The following SGCZ variants were observed in gnomAD, a reference collection of about 807,000 sequenced individuals.
The protein encoded by SGCZ is zeta-sarcoglycan.
A neutral mutation model predicts 41.3 loss-of-function variants in SGCZ; 40 were observed. That is an observed-to-expected ratio of 0.97 (90% CI 0.75 to 1.26). SGCZ has a LOEUF of 1.26. Ranked by LOEUF, SGCZ falls within the 50% of genes most tolerant of loss-of-function variation. The pLI is 0.00. For missense variants in SGCZ, 552 were observed against 369.8 expected, an observed-to-expected ratio of 1.49 and a Z score of -4.04; for synonymous variants, 206 against 137.5, an observed-to-expected ratio of 1.50 and a Z score of -3.49.
At chr8:15,214,463 T>C (rs1201655178) in intron 1 of SGCZ, among the ~76,000 whole-genome samples, 3 of 152,164 alleles carry the variant, frequency 2.0e-5, no homozygotes, top group Non-Finnish European at 4.4e-5. Flanking sequence ...TTTTAACTCA[T>C]CCAACTTTAA....
intron 1 of SGCZ, among the ~76,000 whole-genome samples, chr8:14,717,555 A>C (rs1809731890): frequency 6.6e-6 from 1 of 152,132 alleles, no homozygotes; most frequent in African/African-American, 2.4e-5. Context: ...AGTGATGAGA[A>C]AGTCGTCTTG....
At chr8:14,596,144 A>G (rs1805406573) in intron 1 of SGCZ, among the ~76,000 whole-genome samples, 1 of 152,226 alleles carries the variant, frequency 6.6e-6, no homozygotes, top group Non-Finnish European at 1.5e-5. Context: ...GAGTGAGAAT[A>G]TACTCTGCAG....
intron 3 of SGCZ, among the ~76,000 whole-genome samples, chr8:14,270,328 T>C (rs532271582): frequency 6.6e-6 from 1 of 151,520 alleles, no homozygotes; most frequent in Non-Finnish European, 1.5e-5. Flanking sequence ...TAAAACTCCG[T>C]CTCAAAAAAA....
chr8:15,045,016 GC>G (rs1804249163), intron 1 of SGCZ, among the ~76,000 whole-genome samples: 1 of 152,022 alleles, frequency 6.6e-6, no homozygotes, highest in African/African-American at 2.4e-5. Context: ...TATACAGGAT[GC>G]TGAATGCATA....
chr8:15,144,555 G>A (rs983677317), intron 1 of SGCZ, among the ~76,000 whole-genome samples: 9 of 151,742 alleles, frequency 5.9e-5, no homozygotes, highest in Non-Finnish European at 8.8e-5. Context: ...ACCACCTCCC[G>A]GGTTCAAGCG....
chr8:14,188,629 C>A (rs1804983507), intron 4 of SGCZ, among the ~76,000 whole-genome samples: 1 of 151,924 alleles, frequency 6.6e-6, no homozygotes, highest in African/African-American at 2.4e-5. Context: ...TGTGGTGGCA[C>A]AATTCTGTTA....
intron 2 of SGCZ, among the ~76,000 whole-genome samples, chr8:14,460,195 A>G (rs542250884): frequency 7.9e-5 from 12 of 152,330 alleles, no homozygotes; most frequent in Middle Eastern, 3.4e-3. Flanking sequence ...ATATAAAATT[A>G]TTTCAAAATA....
At chr8:14,293,981 T>C (rs138907894) in intron 3 of SGCZ, among the ~76,000 whole-genome samples, 4 of 151,916 alleles carry the variant, frequency 2.6e-5, no homozygotes, top group African/African-American at 9.6e-5. Flanking sequence ...CAACAATCTA[T>C]AGAGTACTAT....
chr8:14,816,240 T>G (rs1801899753), intron 1 of SGCZ, among the ~76,000 whole-genome samples: 1 of 152,214 alleles, frequency 6.6e-6, no homozygotes, highest in Admixed American at 6.5e-5. Context: ...GAGTGGTTAT[T>G]CGTTTGAGCA....
chr8:14,836,141 C>T (rs911048699), intron 1 of SGCZ, among the ~76,000 whole-genome samples: 4 of 152,024 alleles, frequency 2.6e-5, no homozygotes, highest in Admixed American at 2.6e-4. Flanking sequence ...CCCCTCCCAC[C>T]TGATCATCAG....
intron 1 of SGCZ, among the ~76,000 whole-genome samples, chr8:15,144,493 C>A (rs73527013): frequency 0.013 from 1,882 of 150,364 alleles, 41 homozygotes; most frequent in African/African-American, 0.043. Flanking sequence ...TTGACTAAGT[C>A]TCGCTCAGTC....
chr8:14,407,422 A>G (rs1799242078), intron 2 of SGCZ, among the ~76,000 whole-genome samples: 1 of 152,096 alleles, frequency 6.6e-6, no homozygotes, highest in Admixed American at 6.5e-5. Flanking sequence ...TGGTTGCTAA[A>G]CATCATCCAC....
chr8:14,689,190 T>C (rs1808718852), intron 1 of SGCZ, among the ~76,000 whole-genome samples: 1 of 152,096 alleles, frequency 6.6e-6, no homozygotes, highest in Admixed American at 6.6e-5. Flanking sequence ...AAAGGGCTTA[T>C]GCTTTTATAC....
chr8:14,575,913 C>CAAAAAAAAAAAAAAAAAA (rs66656586), intron 1 of SGCZ, among the ~76,000 whole-genome samples: 14 of 100,008 alleles, frequency 1.4e-4, no homozygotes, highest in Middle Eastern at 6.8e-3. Flanking sequence ...CTCAAAATAA[C>CAAAAAAAAAAAAAAAAAA]AAAAAAAAAA....
chr8:14,925,316 G>A (rs766539959), intron 1 of SGCZ, among the ~76,000 whole-genome samples: 2 of 152,094 alleles, frequency 1.3e-5, no homozygotes, highest in Admixed American at 6.5e-5. Context: ...CATTTCTTAT[G>A]GCTTAGTTTA....
At chr8:14,564,551 G>A (rs1245095493) in intron 1 of SGCZ, among the ~76,000 whole-genome samples, 1 of 152,062 alleles carries the variant, frequency 6.6e-6, no homozygotes, top group African/African-American at 2.4e-5. Flanking sequence ...AGAAAAGGAG[G>A]ATGTTAAAGT....
chr8:14,559,305 C>A (rs757819733), intron 1 of SGCZ, among the ~76,000 whole-genome samples: 9 of 152,058 alleles, frequency 5.9e-5, no homozygotes, highest in Non-Finnish European at 1.2e-4. Context: ...AACTAATGTA[C>A]ACAAATCAGT....
At chr8:14,478,943 C>T (rs187293077) in intron 2 of SGCZ, among the ~76,000 whole-genome samples, 8 of 152,188 alleles carry the variant, frequency 5.3e-5, no homozygotes, top group Non-Finnish European at 1.0e-4. Flanking sequence ...TGTTCTCTCT[C>T]GTTTTCATAC....
chr8:14,313,259 T>C (rs1334168964), intron 3 of SGCZ, among the ~76,000 whole-genome samples: 1 of 152,168 alleles, frequency 6.6e-6, no homozygotes, highest in Non-Finnish European at 1.5e-5. Flanking sequence ...ATCCAAGATG[T>C]AGTAAAAGGT....
Sources: gnomAD v4.1 joint callset for allele counts (sites outside exome capture counted in the v4.1 genomes callset) on GRCh38, gnomAD v4.1.1 for gene constraint, MANE v1.5 for transcripts, NCBI Gene and HGNC (gene_info 2026-07-23, HGNC 2026-07-21) for gene names.